Variants in PLA2G4A observed in about 807,000 individuals in gnomAD.
PLA2G4A encodes phospholipase A2 group IVA, also known as cytosolic phospholipase A2.
A neutral mutation model predicts 81.9 loss-of-function variants in PLA2G4A; 40 were observed. The ratio of observed to expected loss-of-function variants is 0.49; its 90% CI spans 0.38 to 0.64. The LOEUF (loss-of-function observed/expected upper bound fraction) is 0.64, where lower values mean the gene tolerates loss of function less well. Among genes scored for constraint, PLA2G4A ranks in the 30% least tolerant of loss-of-function variants. PLA2G4A has a pLI of 0.00. For missense variants in PLA2G4A, 715 were observed against 905.1 expected, an observed-to-expected ratio of 0.79 and a Z score of 2.69; for synonymous variants, 302 against 296.9, an observed-to-expected ratio of 1.02 and a Z score of -0.18.
At chr1:186,927,911 C>A (rs1655606662) in intron 7 of PLA2G4A, among the ~76,000 whole-genome samples, 1 of 152,168 alleles carries the variant, frequency 6.6e-6, no homozygotes. Context: ...CTCTTTCCAC[C>A]TTCATTCTGA....
At chr1:186,923,620 TG>T (rs1655441557) in intron 7 of PLA2G4A, among the ~76,000 whole-genome samples, 1 of 152,226 alleles carries the variant, frequency 6.6e-6, no homozygotes, top group African/African-American at 2.4e-5. Flanking sequence ...AACTGAGGGA[TG>T]CAAGTGATTG....
At chr1:186,906,273 A>C (rs551618608) in intron 5 of PLA2G4A, among the ~76,000 whole-genome samples, 1 of 152,166 alleles carries the variant, frequency 6.6e-6, no homozygotes, top group African/African-American at 2.4e-5. Flanking sequence ...TGGAAAGACA[A>C]CTCTTAATAT....
At chr1:186,905,291 T>A (rs1397378234) in intron 5 of PLA2G4A, among the ~76,000 whole-genome samples, 1 of 152,208 alleles carries the variant, frequency 6.6e-6, no homozygotes, top group Non-Finnish European at 1.5e-5. Context: ...AAACTCTACA[T>A]AGAGTTGTAA....
chr1:186,849,448 C>T (rs929766662), intron 1 of PLA2G4A, among the ~76,000 whole-genome samples: 2 of 152,072 alleles, frequency 1.3e-5, no homozygotes, highest in Non-Finnish European at 2.9e-5. Context: ...GACGTTGAGA[C>T]TGAATCCTGG....
At chr1:186,976,424 A>G (rs1357283031) in intron 15 of PLA2G4A, among the ~76,000 whole-genome samples, 4 of 151,694 alleles carry the variant, frequency 2.6e-5, no homozygotes, top group African/African-American at 9.7e-5. Flanking sequence ...ACTGGCATTT[A>G]TTTATTAAAC....
At chr1:186,838,032 C>G (rs578057422) in intron 1 of PLA2G4A, among the ~76,000 whole-genome samples, 1 of 152,008 alleles carries the variant, frequency 6.6e-6, no homozygotes, top group East Asian at 1.9e-4. Context: ...AAGATGAGGT[C>G]GCCTGCTAAG....
chr1:186,894,222 C>G lies in PLA2G4A; in HGVS notation c.378+11C>G, dbSNP rs377639283. ...TTTATTTTCAACCAAGTAAGTAACACTGCAGAATTATATTCCAACCTTATG... is the reference window on the plus strand; with the variant it reads ...TTTATTTTCAACCAAGTAAGTAACAGTGCAGAATTATATTCCAACCTTATG... On this transcript the variant is annotated intron_variant, in intron 5 of 17. Coordinates refer to ENST00000367466, the MANE Select transcript of PLA2G4A (RefSeq NM_024420.3). 2 of 923,766 alleles carry G rather than the reference C, an allele frequency of 2.2e-6. No individual in the cohort carries two copies. Among genetic ancestry groups the G allele is most frequent in the East Asian group, 4.8e-5 (2 of 41,624 alleles). The allele number at this position is 923,766 out of a possible 1,614,324, so 57.2% of individuals were successfully genotyped here.
At chr1:186,871,419 T>C (rs779653189) in intron 3 of PLA2G4A, among the ~76,000 whole-genome samples, 1 of 152,184 alleles carries the variant, frequency 6.6e-6, no homozygotes, top group African/African-American at 2.4e-5. Flanking sequence ...AATATGGGAA[T>C]GGATAATTTA....
At chr1:186,916,339 T>G (rs913808521) in intron 7 of PLA2G4A, among the ~76,000 whole-genome samples, 1 of 152,194 alleles carries the variant, frequency 6.6e-6, no homozygotes, top group Non-Finnish European at 1.5e-5. Context: ...CTTTCCTTTC[T>G]GAAGGTGGAC....
intron 2 of PLA2G4A, among the ~76,000 whole-genome samples, chr1:186,858,887 A>G (rs1269408667): frequency 6.6e-6 from 1 of 151,222 alleles, no homozygotes; most frequent in Non-Finnish European, 1.5e-5. Context: ...CGCTATGTGT[A>G]TATGGAAAAA....
intron 5 of PLA2G4A, among the ~76,000 whole-genome samples, chr1:186,896,765 C>A (rs1360485019): frequency 1.3e-5 from 2 of 152,108 alleles, no homozygotes; most frequent in African/African-American, 4.8e-5. Context: ...AAATAGTTGT[C>A]CAAGCAGGCT....
intron 15 of PLA2G4A, among the ~76,000 whole-genome samples, chr1:186,970,099 C>G (rs1657285158): frequency 6.6e-6 from 1 of 151,980 alleles, no homozygotes; most frequent in South Asian, 2.1e-4. Flanking sequence ...TGGATAAAAG[C>G]CATTTTAACT....
rs55745208 is a variant in PLA2G4A, at chr1:186,830,608, C to CAAAAAAAA, written c.-70+1590_-70+1597dup. On this transcript the variant is annotated intron_variant, in intron 1 of 17. Transcript: ENST00000367466. Reference sequence around the variant, plus strand: ...GAGCGAAAACAGCGAAGCTCTGTCTCAAAAAAAAAAAAAAAAAAAAAAAAG... The same window carrying CAAAAAAAA: ...GAGCGAAAACAGCGAAGCTCTGTCTCAAAAAAAAAAAAAAAAAAAAAAAAAAAAAAAAG... Among the ~76,000 whole-genome samples, 11 of 72,686 alleles carry CAAAAAAAA rather than the reference C, an allele frequency of 1.5e-4. 1 individual carries two copies. Among genetic ancestry groups the CAAAAAAAA allele is most frequent in the African/African-American group, 4.8e-4 (9 of 18,600 alleles). 47.7% of individuals were successfully genotyped at this position (72,686 alleles called of 152,430 possible). A position where few individuals can be genotyped will look rare whatever the true frequency, so the allele number is the denominator to read the frequency against.
rs544447509 is a variant in PLA2G4A at position 186,889,375 on chromosome 1, G to A, written c.116-3636G>A. On this transcript the variant is annotated intron_variant, in intron 3 of 17. Transcript: ENST00000367466. ...ACAGATATGCAGACAATGGGTCTTC[G>A]GGGATGAAGGTCGGGGTCTATGTTT... Among the ~76,000 whole-genome samples, 136 of 152,282 alleles carry A rather than the reference G, an allele frequency of 8.9e-4. 1 individual carries two copies. The highest frequency in any genetic ancestry group is 3.0e-3 in the African/African-American group (123 of 41,556).
chr1:186,839,052 T>C (rs549392607), intron 1 of PLA2G4A, among the ~76,000 whole-genome samples: 42 of 138,114 alleles, frequency 3.0e-4, no homozygotes, highest in African/African-American at 1.1e-3. Flanking sequence ...TTGACTCATA[T>C]TTCCTCAAAG....
chr1:186,915,491 T>C (rs907530422), intron 7 of PLA2G4A, among the ~76,000 whole-genome samples: 17 of 152,306 alleles, frequency 1.1e-4, no homozygotes, highest in African/African-American at 4.1e-4. Context: ...GGGCCATTCA[T>C]TATCTTTCTA....
At chr1:186,877,685 T>C (rs1653552194) in intron 3 of PLA2G4A, among the ~76,000 whole-genome samples, 1 of 99,684 alleles carries the variant, frequency 1.0e-5, no homozygotes, top group African/African-American at 4.0e-5. Flanking sequence ...CTTTTAAGAC[T>C]AAGGCCTGAG....
chr1:186,916,702 G>T (rs1655150589), intron 7 of PLA2G4A, among the ~76,000 whole-genome samples: 1 of 152,070 alleles, frequency 6.6e-6, no homozygotes, highest in African/African-American at 2.4e-5. Flanking sequence ...CGTTTCCTGG[G>T]CTACATACCT....
intron 15 of PLA2G4A, among the ~76,000 whole-genome samples, chr1:186,968,400 ATGTG>A (rs58475951): frequency 7.3e-5 from 10 of 137,416 alleles, no homozygotes; most frequent in Admixed American, 1.5e-4. Context: ...CGCGGTGTGT[ATGTG>A]TGTGTGTGTG....
Sources: allele counts gnomAD v4.1 joint callset (sites outside exome capture counted in the v4.1 genomes callset), GRCh38; gene constraint gnomAD v4.1.1; transcripts MANE v1.5; gene names NCBI Gene and HGNC (gene_info 2026-07-23, HGNC 2026-07-21).